The following WIPF2 variants were observed in gnomAD, a reference collection of about 807,000 sequenced individuals.
WIPF2 encodes the protein WAS/WASL interacting protein family member 2.
WIPF2 carries 23 observed loss-of-function variants against 38.8 expected under a neutral mutation model. The ratio of observed to expected loss-of-function variants is 0.59; its 90% CI spans 0.43 to 0.84. The LOEUF (loss-of-function observed/expected upper bound fraction) is 0.84. WIPF2 is among the 40% of genes least tolerant of loss of function. The probability of loss-of-function intolerance (pLI) is 0.00; values close to 1 mark genes in which losing one functional copy is unlikely to be tolerated. For synonymous variants in WIPF2, 210 were observed against 223.2 expected (o/e 0.94, Z 0.53); for missense variants, 574 against 580.5 (o/e 0.99, Z 0.11).
chr17:40,260,438 T>C, intron 2 of WIPF2, 97 bp from the exon 3 acceptor site: 1 of 1,448,468 alleles, frequency 6.9e-7, no homozygotes, highest in Non-Finnish European at 9.4e-7. Context: ...CCACCTGCCT[T>C]GGCCTCCCAA....
chr17:40,277,809 C>T (rs2145420070), intron 7 of WIPF2, among the ~76,000 whole-genome samples: 1 of 148,244 alleles, frequency 6.7e-6, no homozygotes, highest in South Asian at 2.1e-4. Context: ...CACCCCAAAC[C>T]TCTGCCTCCC....
chr17:40,262,608 A>C lies in WIPF2; in HGVS notation c.280A>C (p.Lys94Gln). 6.2e-7 allele frequency: 1 copy of C among 1,613,940 alleles called. No homozygotes were observed. Among genetic ancestry groups the C allele is most frequent in the Non-Finnish European group, 8.5e-7 (1 of 1,179,872 alleles). ...KGGLFQGGVL[K>Q]LRPVGAKDGS... ...AGGTCTCTTCCAAGGAGGAGTGCTG[A>C]AGCTTCGACCTGTGGGAGCCAAGGA... Residue 94 changes from lysine to glutamine, a missense_variant, in exon 4 of 8, where the codon AAG (lysine) becomes CAG (glutamine). Lys to Gln is a moderately conservative substitution (Grantham distance 53). Coordinates refer to ENST00000323571, the MANE Select transcript of WIPF2 (RefSeq NM_133264.5).
chr17:40,257,212 T>C (rs2031755697), intron 2 of WIPF2, among the ~76,000 whole-genome samples: 1 of 151,922 alleles, frequency 6.6e-6, no homozygotes, highest in Non-Finnish European at 1.5e-5. Flanking sequence ...CTCCTGACCT[T>C]GTGATCCTCC....
intron 5 of WIPF2, among the ~76,000 whole-genome samples, chr17:40,270,992 T>C (rs775936619): frequency 3.3e-5 from 5 of 152,122 alleles, no homozygotes; most frequent in Non-Finnish European, 7.4e-5. Context: ...ACTCTTTTCT[T>C]TGAGACAGTC....
At chr17:40,220,889 C>T (rs1224422169) in intron 1 of WIPF2, among the ~76,000 whole-genome samples, 1 of 151,054 alleles carries the variant, frequency 6.6e-6, no homozygotes, top group African/African-American at 2.4e-5. Context: ...CATTCTTCTG[C>T]CTCAGCCTCC....
intron 1 of WIPF2, among the ~76,000 whole-genome samples, chr17:40,243,243 G>C (rs776882487): frequency 6.6e-6 from 1 of 152,080 alleles, no homozygotes; most frequent in African/African-American, 2.4e-5. Context: ...ATGGTAGTGG[G>C]TTATCAGAGC....
chr17:40,249,946 C>T (rs2031498573), intron 1 of WIPF2, among the ~76,000 whole-genome samples: 2 of 151,456 alleles, frequency 1.3e-5, no homozygotes, highest in South Asian at 2.1e-4. Context: ...AATTCTCCTG[C>T]CTCAGCCTCT....
intron 6 of WIPF2, among the ~76,000 whole-genome samples, chr17:40,276,206 C>T (rs923813351): frequency 2.0e-5 from 3 of 152,086 alleles, no homozygotes; most frequent in Non-Finnish European, 4.4e-5. Context: ...GTTGTTTTCC[C>T]GTGGTGACAG....
intron 1 of WIPF2, among the ~76,000 whole-genome samples, chr17:40,222,335 A>T (rs2030271584): frequency 6.6e-6 from 1 of 151,258 alleles, no homozygotes; most frequent in African/African-American, 2.4e-5. Context: ...TACAGGTGTG[A>T]GCCACCGCGC....
At position 40,248,171 on chromosome 17, in the gene WIPF2, T is replaced by TC. The variant is rs2031436002; in HGVS notation, c.-69-8220_-69-8219insC. ...AAATTTAAAAGTTATTTCTTTTTTT[T>TC]TTTTTTTTTTTTTTTTTTTGAGACT... is the stretch of plus-strand genomic sequence containing the variant. On this transcript the variant is annotated intron_variant, in intron 1 of 7. Coordinates refer to ENST00000323571, the MANE Select transcript of WIPF2 (RefSeq NM_133264.5). 2.9e-5 allele frequency among the ~76,000 whole-genome samples: 4 copies of TC among 135,666 alleles called. No homozygotes were observed. In the South Asian group the frequency reaches 9.9e-4, roughly 33 times the overall value. 89.0% of individuals were successfully genotyped at this position (135,666 alleles called of 152,430 possible).
At chr17:40,273,467 C>T (rs182390039) in intron 5 of WIPF2, 18 of 273,458 alleles carry the variant, frequency 6.6e-5, no homozygotes, top group African/African-American at 1.1e-4. Context: ...GGAGAACATT[C>T]GGAAGGCTTT....
chr17:40,265,591 C>T (rs2032064863), intron 5 of WIPF2, among the ~76,000 whole-genome samples: 1 of 151,976 alleles, frequency 6.6e-6, no homozygotes, highest in South Asian at 2.1e-4. Flanking sequence ...GGCCATAAGG[C>T]AGAAGTATTC....
intron 5 of WIPF2, among the ~76,000 whole-genome samples, chr17:40,272,223 T>C (rs941193316): frequency 6.6e-6 from 1 of 152,150 alleles, no homozygotes; most frequent in Non-Finnish European, 1.5e-5. Flanking sequence ...TTCTCCATGT[T>C]GATCAGGCTG....
intron 1 of WIPF2, among the ~76,000 whole-genome samples, chr17:40,247,863 T>TA (rs941391317): frequency 6.6e-6 from 1 of 152,198 alleles, no homozygotes; most frequent in African/African-American, 2.4e-5. Flanking sequence ...ACCATAGGGT[T>TA]AAGTTAGTAA....
At chr17:40,277,287 A>C in intron 7 of WIPF2, 103 bp downstream of exon 7, 1 of 975,846 alleles carries the variant, frequency 1.0e-6, no homozygotes, top group South Asian at 1.6e-5. Context: ...AGTGGCTCAT[A>C]CCTATAATCC....
intron 1 of WIPF2, among the ~76,000 whole-genome samples, chr17:40,240,587 C>T (rs1385247983): frequency 6.6e-6 from 1 of 151,526 alleles, no homozygotes; most frequent in Non-Finnish European, 1.5e-5. Context: ...ACTTTGTTGA[C>T]ATCTCTCTCT....
intron 1 of WIPF2, among the ~76,000 whole-genome samples, chr17:40,224,016 C>T (rs973608446): frequency 6.6e-6 from 1 of 151,938 alleles, no homozygotes; most frequent in South Asian, 2.1e-4. Context: ...GCAGCTTCAG[C>T]AAACATAGTC....
At chr17:40,269,212 C>T (rs2032177568) in intron 5 of WIPF2, among the ~76,000 whole-genome samples, 2 of 151,948 alleles carry the variant, frequency 1.3e-5, no homozygotes, top group South Asian at 2.1e-4. Context: ...CCCAGCTACT[C>T]GAGAGGCTGA....
chr17:40,276,948 G>A (rs1380583810), intron 6 of WIPF2, 135 bp from the exon 7 acceptor site: 5 of 730,010 alleles, frequency 6.8e-6, no homozygotes, highest in Non-Finnish European at 1.2e-5. Context: ...AGGGTGGTTG[G>A]TTTGGTGGGG....
Sources: gnomAD v4.1 joint callset for allele counts (sites outside exome capture counted in the v4.1 genomes callset) on GRCh38, gnomAD v4.1.1 for gene constraint, MANE v1.5 for transcripts, NCBI Gene and HGNC (gene_info 2026-07-23, HGNC 2026-07-21) for gene names.